The following CLEC2D variants were observed in gnomAD, a reference collection of about 807,000 sequenced individuals.
The protein encoded by CLEC2D is C-type lectin domain family 2 member D.
In CLEC2D, 16 loss-of-function variants were observed where a neutral mutation model predicts 20.0. That is an observed-to-expected ratio of 0.80 (90% CI 0.54 to 1.22). CLEC2D has a LOEUF of 1.22. Among genes scored for constraint, CLEC2D ranks in the 50% most tolerant of loss-of-function variants. The pLI is 0.00. For synonymous variants in CLEC2D, 77 were observed against 71.1 expected, an observed-to-expected ratio of 1.08 and a Z score of -0.42; for missense variants, 207 against 221.5, an observed-to-expected ratio of 0.93 and a Z score of 0.42.
At chr12:9,689,197 C>T (rs1591701050) in intron 3 of CLEC2D, among the ~76,000 whole-genome samples, 2 of 152,266 alleles carry the variant, frequency 1.3e-5, no homozygotes, top group South Asian at 4.1e-4. Context: ...ATGTGTTTTT[C>T]CTCCCTTTAG....
chr12:9,694,628 CCACTA>C (rs1429515124), intron 4 of CLEC2D, 127 bp from the exon 5 acceptor site: 26 of 635,998 alleles, frequency 4.1e-5, no homozygotes, highest in African/African-American at 3.3e-4. Context: ...TAATTAGTCA[CCACTA>C]CACAAGGAAA....
intron 1 of CLEC2D, among the ~76,000 whole-genome samples, chr12:9,670,921 G>A (rs1865405639): frequency 1.3e-5 from 2 of 152,154 alleles, no homozygotes; most frequent in South Asian, 4.1e-4. Context: ...ATCTAGGCAT[G>A]CATAAGTTGA....
intron 4 of CLEC2D, 86 bp from the exon 5 acceptor site, chr12:9,694,674 G>C: frequency 2.6e-6 from 2 of 770,774 alleles, no homozygotes; most frequent in East Asian, 2.6e-5. Context: ...CTGAATTAAT[G>C]TTAGTTTTCT....
At chr12:9,692,126 T>G (rs1865879450) in intron 3 of CLEC2D, among the ~76,000 whole-genome samples, 1 of 149,334 alleles carries the variant, frequency 6.7e-6, no homozygotes, top group Admixed American at 6.6e-5. Flanking sequence ...TCTCTTTCTT[T>G]CGTTCGTTCG....
chr12:9,680,102 G>A (rs1161998516), intron 1 of CLEC2D: 2 of 159,720 alleles, frequency 1.3e-5, no homozygotes, highest in Admixed American at 1.2e-4. Flanking sequence ...GAATCATGGA[G>A]TTGGTTACCC....
chr12:9,690,852 T>C (rs1865846371), intron 3 of CLEC2D, among the ~76,000 whole-genome samples: 1 of 151,934 alleles, frequency 6.6e-6, no homozygotes, highest in African/African-American at 2.4e-5. Flanking sequence ...CAAAGACATA[T>C]AAGATATAGA....
chr12:9,688,384 A>C (rs1865799045), intron 3 of CLEC2D, among the ~76,000 whole-genome samples: 1 of 152,198 alleles, frequency 6.6e-6, no homozygotes, highest in Non-Finnish European at 1.5e-5. Flanking sequence ...GTAGAAACCC[A>C]GTTTTAAGTT....
At chr12:9,693,480 C>T (rs1162251245) in intron 4 of CLEC2D, 2 of 180,176 alleles carry the variant, frequency 1.1e-5, no homozygotes, top group African/African-American at 4.8e-5. Flanking sequence ...CAATTTCACT[C>T]AATGTTTGTC....
Position 9,693,858 on chromosome 12 carries a change from T to C in CLEC2D, c.462-902T>C. ...TCTTACTCTGTTACCCAGGCTGGAG[T>C]GCAGTAGTACCATCGTGGCTCACTG... On this transcript the variant is annotated intron_variant, in intron 4 of 4. Transcript: ENST00000290855. 9.2e-6 allele frequency: 4 copies of C among 435,948 alleles called. 1 individual carries two copies. The highest frequency in any genetic ancestry group is 6.4e-5 in the South Asian group (4 of 62,592). 27.0% of individuals were successfully genotyped at this position (435,948 alleles called of 1,614,324 possible). A position where few individuals can be genotyped will look rare whatever the true frequency, so the allele number is the denominator to read the frequency against.
At chr12:9,692,059 T>G (rs1865875193) in intron 3 of CLEC2D, among the ~76,000 whole-genome samples, 1 of 152,210 alleles carries the variant, frequency 6.6e-6, no homozygotes, top group African/African-American at 2.4e-5. Context: ...GTGAGGATAA[T>G]TTGGTACACT....
At chr12:9,673,973 C>G (rs141405284) in intron 1 of CLEC2D, 1 of 152,736 alleles carries the variant, frequency 6.5e-6, no homozygotes, top group African/African-American at 2.4e-5. Flanking sequence ...CCAGACTACT[C>G]TGCTGGCAGC....
At chr12:9,694,469 C>T (rs758421546) in intron 4 of CLEC2D, among the ~76,000 whole-genome samples, 13 of 152,120 alleles carry the variant, frequency 8.5e-5, no homozygotes, top group Non-Finnish European at 1.5e-4. Flanking sequence ...GTAAAGAAAA[C>T]GTGTCAGACT....
intron 3 of CLEC2D, among the ~76,000 whole-genome samples, chr12:9,690,307 T>A (rs74065337): frequency 0.22 from 32,946 of 151,968 alleles, 4,732 homozygotes; most frequent in African/African-American, 0.41. Flanking sequence ...CATTTTCAGA[T>A]AACCAATAAT....
chr12:9,670,641 T>C (rs1026778173), intron 1 of CLEC2D, among the ~76,000 whole-genome samples: 5 of 152,248 alleles, frequency 3.3e-5, no homozygotes, highest in African/African-American at 1.2e-4. Context: ...TGTGTAATTT[T>C]GGATTGTAAT....
At chr12:9,693,850 G>C (rs913289127) in intron 4 of CLEC2D, 7 of 438,768 alleles carry the variant, frequency 1.6e-5, no homozygotes, top group Non-Finnish European at 2.7e-5. Context: ...CTGTTACCCA[G>C]GCTGGAGTGC....
At chr12:9,691,560 T>G (rs569753289) in intron 3 of CLEC2D, among the ~76,000 whole-genome samples, 84 of 152,160 alleles carry the variant, frequency 5.5e-4, no homozygotes, top group Non-Finnish European at 9.9e-4. Context: ...AAAAGTATCT[T>G]TTGCAATTAC....
chr12:9,672,419 T>C (rs1207031436), intron 1 of CLEC2D, among the ~76,000 whole-genome samples: 2 of 152,180 alleles, frequency 1.3e-5, no homozygotes, highest in African/African-American at 2.4e-5. Flanking sequence ...ATAACCTACA[T>C]TGGCATATTG....
Position 9,696,472 on chromosome 12 carries a change from G to A in CLEC2D, c.*1598G>A. On this transcript the variant is annotated 3_prime_UTR_variant, in exon 5 of 5. Transcript: ENST00000290855. ...TGGGATGCTATGATAGGACATAGTA[G>A]TAGCAGTGGTCAGACATGGAAATGG... is the stretch of plus-strand genomic sequence containing the variant. The A allele has an allele frequency of 2.9e-6, 1 of 341,700 alleles. No homozygotes were observed. Among genetic ancestry groups the A allele is most frequent in the Admixed American group, 4.5e-5 (1 of 22,066 alleles). 21.2% of individuals were successfully genotyped at this position (341,700 alleles called of 1,614,324 possible).
chr12:9,687,835 G>A (rs1276668579), intron 2 of CLEC2D, 67 bp from the exon 3 acceptor site: 1 of 952,820 alleles, frequency 1.0e-6, no homozygotes, highest in Non-Finnish European at 1.5e-6. Flanking sequence ...ATTAGCACTT[G>A]GTAATTTATA....
Sources: allele counts gnomAD v4.1 joint callset (sites outside exome capture counted in the v4.1 genomes callset), GRCh38; gene constraint gnomAD v4.1.1; transcripts MANE v1.5; gene names NCBI Gene and HGNC (gene_info 2026-07-23, HGNC 2026-07-21).